The following DCC variants were observed in gnomAD, a reference collection of about 807,000 sequenced individuals.
The protein encoded by DCC is netrin receptor DCC.
DCC carries 58 observed loss-of-function variants against 172.5 expected under a neutral mutation model. That is an observed-to-expected ratio of 0.34 (90% CI 0.27 to 0.42). The LOEUF is 0.42. Ranked by LOEUF, DCC falls within the 10% of genes least tolerant of loss-of-function variation. DCC has a pLI of 1.00. For missense variants in DCC, 1,740 were observed against 1,791.0 expected, an observed-to-expected ratio of 0.97 and a Z score of 0.51; for synonymous variants, 709 against 644.5, an observed-to-expected ratio of 1.10 and a Z score of -1.52.
rs1459453084 is a variant in DCC at position 52,552,743 on chromosome 18, TTCTAATTGACTTGAAATTA to T, written c.92-199296_92-199278del. On this transcript the variant is annotated intron_variant, in intron 1 of 28. Coordinates refer to ENST00000442544, the MANE Select transcript of DCC (RefSeq NM_005215.4). The stretch of plus-strand genomic sequence containing the variant: ...TCATTTATTTTAGTAATTAAGATAA[TTCTAATTGACTTGAAATTA>T]TCTAATTGACTTGATAATTCTAATT... Among the ~76,000 whole-genome samples the T allele has an allele frequency of 2.6e-5, 4 of 152,082 alleles. 1 individual carries two copies. Among genetic ancestry groups the T allele is most frequent in the Admixed American group, 2.0e-4 (3 of 15,234 alleles).
At chr18:53,309,974 A>ATATATATATATATATG (rs1377135602) in intron 13 of DCC, among the ~76,000 whole-genome samples, 2 of 147,994 alleles carry the variant, frequency 1.4e-5, no homozygotes, top group African/African-American at 2.5e-5. Flanking sequence ...GTATATATAT[A>ATATATATATATATATG]TATATATACT....
intron 5 of DCC, among the ~76,000 whole-genome samples, chr18:52,928,695 C>T (rs1319764457): frequency 6.6e-6 from 1 of 152,062 alleles, no homozygotes; most frequent in African/African-American, 2.4e-5. Context: ...TAGGTCGAGC[C>T]CATTAGATAA....
chr18:52,906,641 A>G (rs1019363750), intron 3 of DCC, among the ~76,000 whole-genome samples: 1 of 151,642 alleles, frequency 6.6e-6, no homozygotes, highest in South Asian at 2.1e-4. Flanking sequence ...CTCACATATT[A>G]TTTCATTTTC....
Position 53,063,296 on chromosome 18 carries a change from T to A in DCC, c.986-9T>A. The A allele has an allele frequency of 6.2e-7, 1 of 1,613,094 alleles. No homozygotes were observed. The highest frequency in any genetic ancestry group is 8.5e-7 in the Non-Finnish European group (1 of 1,179,308). ...CCACTCACTCACTTTTTTTTTTCTG[T>A]CTTTGCAGTTCCGCCATGGTTTTTA... On this transcript the variant is annotated splice_polypyrimidine_tract_variant and intron_variant, in intron 5 of 28. Coordinates refer to ENST00000442544, the MANE Select transcript of DCC (RefSeq NM_005215.4).
At chr18:53,506,931 C>T (rs1217473719) in intron 27 of DCC, among the ~76,000 whole-genome samples, 1 of 151,660 alleles carries the variant, frequency 6.6e-6, no homozygotes, top group Non-Finnish European at 1.5e-5. Flanking sequence ...CTAGTCTCTC[C>T]ATCATGCCAA....
chr18:52,499,006 A>G (rs915235628), intron 1 of DCC, among the ~76,000 whole-genome samples: 1 of 152,136 alleles, frequency 6.6e-6, no homozygotes, highest in Non-Finnish European at 1.5e-5. Flanking sequence ...TCTCTCTGAC[A>G]TCTTCTCTGA....
chr18:52,847,209 G>GTAT (rs763664310), intron 2 of DCC, among the ~76,000 whole-genome samples: 6 of 152,086 alleles, frequency 3.9e-5, no homozygotes, highest in Admixed American at 6.5e-5. Flanking sequence ...TTTTCTTCTT[G>GTAT]TATTAATCTC....
At chr18:52,703,680 T>C (rs1177526097) in intron 1 of DCC, among the ~76,000 whole-genome samples, 2 of 152,194 alleles carry the variant, frequency 1.3e-5, no homozygotes, top group East Asian at 3.9e-4. Flanking sequence ...TCCTCTATTA[T>C]CTTTTTATAT....
At chr18:52,716,611 A>G (rs929891915) in intron 1 of DCC, among the ~76,000 whole-genome samples, 1 of 152,232 alleles carries the variant, frequency 6.6e-6, no homozygotes, top group Non-Finnish European at 1.5e-5. Flanking sequence ...ACCCATGTCC[A>G]TACAGATGAT....
intron 5 of DCC, among the ~76,000 whole-genome samples, chr18:53,024,030 T>C (rs1325325073): frequency 6.6e-6 from 1 of 152,136 alleles, no homozygotes; most frequent in Non-Finnish European, 1.5e-5. Context: ...ATTAGATGGG[T>C]AGAATCAACA....
intron 8 of DCC, among the ~76,000 whole-genome samples, chr18:53,174,558 A>C (rs1332446302): frequency 6.6e-6 from 1 of 151,224 alleles, no homozygotes; most frequent in Non-Finnish European, 1.5e-5. Flanking sequence ...CTCTACACAA[A>C]TAAACTAGAA....
intron 4 of DCC, among the ~76,000 whole-genome samples, chr18:52,924,942 CA>C (rs1018021699): frequency 2.6e-5 from 4 of 151,502 alleles, no homozygotes; most frequent in African/African-American, 9.7e-5. Context: ...TTCTCAAATC[CA>C]AAATGAGAGA....
At chr18:52,721,530 C>T (rs962615812) in intron 1 of DCC, among the ~76,000 whole-genome samples, 1 of 152,130 alleles carries the variant, frequency 6.6e-6, no homozygotes, top group African/African-American at 2.4e-5. Context: ...CTTTTAACTC[C>T]TAGATAATAT....
intron 2 of DCC, among the ~76,000 whole-genome samples, chr18:52,838,082 A>C (rs55678240): frequency 0.44 from 66,647 of 151,992 alleles, 14,805 homozygotes; most frequent in South Asian, 0.55. Flanking sequence ...CTGGCTCCTC[A>C]CATGACACAT....
chr18:53,515,958 T>C (rs1234273283), intron 27 of DCC, among the ~76,000 whole-genome samples: 4 of 151,694 alleles, frequency 2.6e-5, no homozygotes, highest in Admixed American at 1.3e-4. Flanking sequence ...ACTTTAAAGT[T>C]CATATGGAAC....
chr18:52,792,732 G>A (rs574046813), intron 2 of DCC, among the ~76,000 whole-genome samples: 1 of 17,422 alleles, frequency 5.7e-5, no homozygotes, highest in East Asian at 1.1e-3. Flanking sequence ...TTAAAATGGA[G>A]GCTGAGGCAA....
chr18:53,126,277 A>G (rs1462501091), intron 7 of DCC, among the ~76,000 whole-genome samples: 1 of 152,100 alleles, frequency 6.6e-6, no homozygotes, highest in Admixed American at 6.6e-5. Flanking sequence ...CACCCCTGGG[A>G]TACTATTTGT....
chr18:52,792,799 C>CATTCT (rs1450835328), intron 2 of DCC, among the ~76,000 whole-genome samples: 71 of 151,856 alleles, frequency 4.7e-4, no homozygotes, highest in African/African-American at 1.6e-3. Context: ...CATTCCATTC[C>CATTCT]ATTCCAGTTG....
chr18:53,111,611 G>A (rs189068554), intron 7 of DCC, among the ~76,000 whole-genome samples: 1 of 151,444 alleles, frequency 6.6e-6, no homozygotes, highest in Admixed American at 6.6e-5. Flanking sequence ...ACAAAGACTT[G>A]TTTAAATTGC....
Sources: allele counts gnomAD v4.1 joint callset (sites outside exome capture counted in the v4.1 genomes callset), GRCh38; gene constraint gnomAD v4.1.1; transcripts MANE v1.5; gene names NCBI Gene and HGNC (gene_info 2026-07-23, HGNC 2026-07-21).